GALNT2: variants seen among roughly 807,000 people sequenced by gnomAD.
GALNT2 encodes the protein UDP-GalNAc:polypeptide N-acetylgalactosaminyltransferase 2.
GALNT2 carries 31 observed loss-of-function variants against 81.4 expected under a neutral mutation model. That is an observed-to-expected ratio of 0.38 (90% confidence interval 0.29 to 0.51). The LOEUF is 0.51. Among genes scored for constraint, GALNT2 ranks in the 20% least tolerant of loss-of-function variants. The probability of loss-of-function intolerance (pLI) is 0.87; values close to 1 mark genes in which losing one functional copy is unlikely to be tolerated. For missense variants in GALNT2, 629 were observed against 765.7 expected, an observed-to-expected ratio of 0.82 and a Z score of 2.11; for synonymous variants, 303 against 287.4, an observed-to-expected ratio of 1.05 and a Z score of -0.55.
At chr1:230,145,813 G>A (rs1661898497) in intron 1 of GALNT2, among the ~76,000 whole-genome samples, 1 of 152,222 alleles carries the variant, frequency 6.6e-6, no homozygotes, top group Non-Finnish European at 1.5e-5. Flanking sequence ...TTGAAACAAG[G>A]TCCCTGTAAT....
rs981990716 is a variant in GALNT2 at position 230,104,406 on chromosome 1, C to T, written c.126+37000C>T. Among the ~76,000 whole-genome samples, 3 of 152,116 alleles carry T rather than the reference C, an allele frequency of 2.0e-5. No individual in the cohort carries two copies. The East Asian group carries it at 5.8e-4, about 29-fold the overall frequency. On this transcript the variant is annotated intron_variant, in intron 1 of 15. Transcript: ENST00000366672. ...CCAGCTGGTGGGCCTCAAAGAGAGG[C>T]GGCTGTATTTTAGCCTGATAATCTT... is the stretch of plus-strand genomic sequence containing the variant.
At chr1:230,142,755 A>G (rs1207424956) in intron 1 of GALNT2, among the ~76,000 whole-genome samples, 1 of 152,142 alleles carries the variant, frequency 6.6e-6, no homozygotes, top group Non-Finnish European at 1.5e-5. Flanking sequence ...TGCTGTCTGC[A>G]TACTTGCTGG....
intron 1 of GALNT2, among the ~76,000 whole-genome samples, chr1:230,060,907 C>T (rs1330701526): frequency 6.6e-6 from 1 of 152,168 alleles, no homozygotes; most frequent in Non-Finnish European, 1.5e-5. Flanking sequence ...TGTGCTCTCT[C>T]TCTCCTCTGC....
At chr1:230,272,282 C>T (rs1019263107) in intron 14 of GALNT2, among the ~76,000 whole-genome samples, 3 of 142,704 alleles carry the variant, frequency 2.1e-5, no homozygotes, top group Non-Finnish European at 3.1e-5. Flanking sequence ...GACTCAGGGT[C>T]GGGTGGCCTT....
At chr1:230,122,642 A>T (rs1661053664) in intron 1 of GALNT2, among the ~76,000 whole-genome samples, 3 of 151,792 alleles carry the variant, frequency 2.0e-5, no homozygotes, top group Admixed American at 2.0e-4. Context: ...GCATGTACAT[A>T]CGTGTGTGTG....
intron 1 of GALNT2, among the ~76,000 whole-genome samples, chr1:230,112,274 A>C (rs562743109): frequency 6.6e-6 from 1 of 151,312 alleles, no homozygotes; most frequent in East Asian, 2.0e-4. Context: ...AAAACAGATT[A>C]GCTTAGCTTA....
chr1:230,266,566 C>T (rs567036552), intron 14 of GALNT2, among the ~76,000 whole-genome samples: 1 of 152,332 alleles, frequency 6.6e-6, no homozygotes, highest in East Asian at 1.9e-4. Context: ...AGTGAGTGTC[C>T]AGGCAGACTG....
At chr1:230,254,908 T>C (rs1381818744) in intron 10 of GALNT2, among the ~76,000 whole-genome samples, 1 of 152,244 alleles carries the variant, frequency 6.6e-6, no homozygotes, top group Admixed American at 6.5e-5. Context: ...CCTTTATATT[T>C]ACAGTAGACC....
intron 1 of GALNT2, among the ~76,000 whole-genome samples, chr1:230,172,597 G>A (rs1235026263): frequency 2.0e-5 from 3 of 152,186 alleles, no homozygotes; most frequent in South Asian, 2.1e-4. Context: ...GCATAGATTC[G>A]ATCAATAGTG....
At chr1:230,250,003 T>A (rs1317182619) in intron 9 of GALNT2, among the ~76,000 whole-genome samples, 1 of 152,054 alleles carries the variant, frequency 6.6e-6, no homozygotes, top group Non-Finnish European at 1.5e-5. Flanking sequence ...TTGTAGGAGG[T>A]GGAGTCTCAT....
At chr1:230,190,215 A>G (rs969906180) in intron 2 of GALNT2, among the ~76,000 whole-genome samples, 7 of 152,222 alleles carry the variant, frequency 4.6e-5, no homozygotes, top group African/African-American at 1.7e-4. Flanking sequence ...AGAAAATTAT[A>G]TTCATACATA....
chr1:230,212,748 G>A (rs1263309280), intron 3 of GALNT2, among the ~76,000 whole-genome samples: 3 of 152,168 alleles, frequency 2.0e-5, no homozygotes, highest in Middle Eastern at 3.2e-3. Flanking sequence ...ATTCATCAGC[G>A]TGCTTGTTTA....
At chr1:230,112,388 G>GA (rs1558089225) in intron 1 of GALNT2, among the ~76,000 whole-genome samples, 2 of 149,546 alleles carry the variant, frequency 1.3e-5, no homozygotes, top group South Asian at 2.2e-4. Context: ...GGGGGAGGGG[G>GA]GGGGCCTGCA....
At chr1:230,069,266 TTTTTG>T (rs956477390) in intron 1 of GALNT2, among the ~76,000 whole-genome samples, 192 of 148,814 alleles carry the variant, frequency 1.3e-3, no homozygotes, top group East Asian at 4.3e-3. Context: ...AGTTTGTTTT[TTTTTG>T]TTTTGTTTTG....
chr1:230,096,173 G>C (rs1660249910), intron 1 of GALNT2, among the ~76,000 whole-genome samples: 1 of 152,164 alleles, frequency 6.6e-6, no homozygotes. Context: ...ACCTCAGCCT[G>C]CATTTTGGTG....
chr1:230,180,110 C>T (rs926599812), intron 2 of GALNT2, among the ~76,000 whole-genome samples: 7 of 151,900 alleles, frequency 4.6e-5, no homozygotes, highest in Admixed American at 2.6e-4. Flanking sequence ...GTAGAGACAG[C>T]GTTTTGCCAT....
chr1:230,143,673 C>G (rs76268125), intron 1 of GALNT2, among the ~76,000 whole-genome samples: 1,569 of 152,334 alleles, frequency 0.01, 29 homozygotes, highest in African/African-American at 0.036. Flanking sequence ...GCCCCACGCT[C>G]TTATTAAAGC....
intron 1 of GALNT2, among the ~76,000 whole-genome samples, chr1:230,107,642 G>GTGTGTGTGTGTGTGTGTGGT (rs201497295): frequency 6.6e-6 from 1 of 151,566 alleles, no homozygotes; most frequent in Non-Finnish European, 1.5e-5. Context: ...GTGTGTGTGT[G>GTGTGTGTGTGTGTGTGTGGT]TGGTTGGTTG....
intron 1 of GALNT2, among the ~76,000 whole-genome samples, chr1:230,105,408 C>A (rs183812235): frequency 6.9e-6 from 1 of 145,752 alleles, no homozygotes; most frequent in South Asian, 2.2e-4. Context: ...ATTTCCCCCG[C>A]CTCTCATGTT....
Sources: allele counts gnomAD v4.1 joint callset (sites outside exome capture counted in the v4.1 genomes callset), GRCh38; gene constraint gnomAD v4.1.1; transcripts MANE v1.5; gene names NCBI Gene and HGNC (gene_info 2026-07-23, HGNC 2026-07-21).